Variants in ZHX1 observed in about 807,000 individuals in gnomAD.
The protein encoded by ZHX1 is zinc fingers and homeoboxes 1.
Under a neutral mutation model 61.8 loss-of-function variants are expected in ZHX1, and 20 were observed. The ratio of observed to expected loss-of-function variants is 0.32; its 90% CI spans 0.23 to 0.47. The LOEUF is 0.47. Ranked by LOEUF, ZHX1 falls within the 20% of genes least tolerant of loss-of-function variation. The pLI is 1.00. For missense variants in ZHX1, 800 were observed against 1,034.8 expected (o/e 0.77, Z 3.11); for synonymous variants, 318 against 352.6 (o/e 0.90, Z 1.10).
Position 123,253,353 on chromosome 8 carries a change from T to C in ZHX1, c.2594A>G (p.Lys865Arg). 1 of 1,611,312 alleles carries C rather than the reference T, an allele frequency of 6.2e-7. No homozygotes were observed. Among genetic ancestry groups the C allele is most frequent in the Non-Finnish European group, 8.5e-7 (1 of 1,179,420 alleles). ...SDTWEPPRHV[K>R]RKLSKSDD ...GTCATCTGATTTAGACAGCTTCCGT[T>C]TCACATGTCGTGGAGGTTCCCAAGT... The change falls in exon 3 of 4, where the codon AAA becomes AGA. Residue 865 changes from lysine to arginine, a missense_variant. Lys to Arg is a conservative substitution (Grantham distance 26, BLOSUM62 2). Transcript: ENST00000395571.
chr8:123,274,910 T>G (rs1386296298), upstream of ZHX1, among the ~76,000 whole-genome samples: 1 of 151,964 alleles, frequency 6.6e-6, no homozygotes, highest in African/African-American at 2.4e-5. Flanking sequence ...GCCCCGCCCC[T>G]CGGGGGGCTG....
chr8:123,256,029 T>C lies in ZHX1; in HGVS notation c.-83A>G, dbSNP rs1826061717. 1.5e-6 allele frequency: 2 copies of C among 1,346,870 alleles called. No individual in the cohort carries two copies. The highest frequency in any genetic ancestry group is 2.0e-6 in the Non-Finnish European group (2 of 997,832). 83.4% of individuals were successfully genotyped at this position (1,346,870 alleles called of 1,614,324 possible). ...TTCAGTGTTCTTCATTTGAAAACAA[T>C]GGCTTTTGGTTCTTCAAGTCCATTT... On this transcript the variant is annotated 5_prime_UTR_variant, in exon 3 of 4. Coordinates refer to ENST00000395571, the MANE Select transcript of ZHX1 (RefSeq NM_007222.5).
chr8:123,257,929 C>T (rs1047810532), intron 2 of ZHX1, among the ~76,000 whole-genome samples: 3 of 152,130 alleles, frequency 2.0e-5, no homozygotes, highest in Non-Finnish European at 2.9e-5. Context: ...TAGTACTTAC[C>T]ATACTGTACA....
chr8:123,251,745 G>A (rs534314537), intron 3 of ZHX1, among the ~76,000 whole-genome samples: 2 of 152,176 alleles, frequency 1.3e-5, no homozygotes, highest in East Asian at 3.9e-4. Flanking sequence ...GGAAATGGAG[G>A]GCTGCACTTC....
Position 123,254,043 on chromosome 8 carries a change from C to T in ZHX1, c.1904G>A (p.Ser635Asn), listed in dbSNP as rs142156546. 4 of 1,614,026 alleles carry T rather than the reference C, an allele frequency of 2.5e-6. No individual in the cohort carries two copies. Among genetic ancestry groups the T allele is most frequent in the Non-Finnish European group, 3.4e-6 (4 of 1,180,004 alleles). Residue 635 changes from serine (S) to asparagine (N), a missense_variant, in exon 3 of 4, where the codon AGT becomes AAT. Ser to Asn is a conservative substitution (Grantham distance 46, BLOSUM62 1). Transcript: ENST00000395571. This position sits in a 1 kb window ranked among gnomAD's most constrained non-coding sequence, Gnocchi z 4.1. ...TTCTTCTTTGGAACTACCTGCATTA[C>T]TTTCATCTATTTCCATTTTCTCTTC... ...LKEEKMEIDE[S>N]NAGSSKEEAG...
rs113452532 is a variant in ZHX1 at position 123,268,949 on chromosome 8, C to T, written c.-339-1563G>A. 1.6e-3 allele frequency among the ~76,000 whole-genome samples: 246 copies of T among 152,292 alleles called. 1 individual carries two copies. The highest frequency in any genetic ancestry group is 5.8e-3 in the African/African-American group (242 of 41,562). On this transcript the variant is annotated intron_variant, in intron 1 of 3. Coordinates refer to ENST00000395571, the MANE Select transcript of ZHX1 (RefSeq NM_007222.5). ...CAAGAAATAATGTAAATACACCAGT[C>T]CTTTAGTAAAATACCTCTAGGTTAG...
chr8:123,264,926 C>T (rs867783013), intron 2 of ZHX1, among the ~76,000 whole-genome samples: 5 of 149,952 alleles, frequency 3.3e-5, no homozygotes, highest in African/African-American at 9.8e-5. Flanking sequence ...AGGTGGCTCA[C>T]GCATGTAATC....
At position 123,253,471 on chromosome 8, in the gene ZHX1, C is replaced by T. The variant is rs1825974553; in HGVS notation, c.2476G>A (p.Glu826Lys). 6.2e-7 allele frequency: 1 copy of T among 1,614,142 alleles called. No individual in the cohort carries two copies. Among genetic ancestry groups the T allele is most frequent in the Non-Finnish European group, 8.5e-7 (1 of 1,180,008 alleles). Residue 826 changes from glutamate (E) to lysine (K), a missense_variant, in exon 3 of 4, where the codon GAA (glutamate) becomes AAA (lysine). Transcript: ENST00000395571. ...EWFAERQRRS[E>K]LGIELFEENE... ...TCCTCAAATAATTCTATACCTAATT[C>T]TGATCTTCTCTGTCTTTCTGCAAAC...
intron 2 of ZHX1, 97 bp downstream of exon 2, chr8:123,267,176 A>C: frequency 8.6e-7 from 1 of 1,156,938 alleles, no homozygotes; most frequent in Non-Finnish European, 1.2e-6. Flanking sequence ...TTTTAAGGAA[A>C]GCTTTTAAAA....
chr8:123,262,112 ACT>A (rs1437751363), intron 2 of ZHX1, among the ~76,000 whole-genome samples: 2 of 152,130 alleles, frequency 1.3e-5, no homozygotes, highest in African/African-American at 2.4e-5. Flanking sequence ...TAGCTAGGTG[ACT>A]CTGCAATTAA....
rs767123344 is a variant in ZHX1, at chr8:123,254,746, C to T, written c.1201G>A (p.Val401Met). 1.2e-5 allele frequency: 20 copies of T among 1,614,052 alleles called. No homozygotes were observed. Among genetic ancestry groups the T allele is most frequent in the African/African-American group, 1.3e-5 (1 of 74,912 alleles). The change falls in exon 3 of 4, where the codon GTG becomes ATG. Residue 401 changes from valine to methionine, a missense_variant. By Grantham distance (21) the Val-to-Met change is conservative. Coordinates refer to ENST00000395571, the MANE Select transcript of ZHX1 (RefSeq NM_007222.5). The surrounding 1 kb of genome is among the most constrained non-coding windows in gnomAD (Gnocchi z 4.1). ...ACTGGCAAGGTGTTTGTTCCAGCCA[C>T]TTGAGTAAGGACCAGACCAGGCTGA... is the stretch of plus-strand genomic sequence containing the variant. ...VGQPGLVLTQ[V>M]AGTNTLPVTA...
At chr8:123,267,165 T>A in intron 2 of ZHX1, 108 bp downstream of exon 2, 1 of 1,048,868 alleles carries the variant, frequency 9.5e-7, no homozygotes, top group South Asian at 2.0e-5. Context: ...TGTCTGCTGC[T>A]TTTTAAGGAA....
chr8:123,259,912 C>T (rs1047641041), intron 2 of ZHX1, among the ~76,000 whole-genome samples: 1 of 152,196 alleles, frequency 6.6e-6, no homozygotes, highest in Non-Finnish European at 1.5e-5. Flanking sequence ...TTAATCCCAG[C>T]ACTTTGGGAG....
chr8:123,257,077 C>T (rs1042485416), intron 2 of ZHX1: 1 of 152,102 alleles, frequency 6.6e-6, no homozygotes, highest in African/African-American at 2.4e-5. Flanking sequence ...TGCCACCACG[C>T]CTGGCTAATT....
At position 123,254,105 on chromosome 8, in the gene ZHX1, A is replaced by T. The variant is rs760688051; in HGVS notation, c.1842T>A (p.Ala614=). The stretch of plus-strand genomic sequence containing the variant: ...TTGATTTCTTCTTCTCTGTAAACCA[A>T]GCATCGATTTCTCTTCTGGTAAGTT... ...QTKLTRREID[A]WFTEKKKSKA... is the part of the protein sequence containing the mutation. Residue 614 remains alanine, a synonymous_variant, in exon 3 of 4, where the codon GCT becomes GCA. Coordinates refer to ENST00000395571, the MANE Select transcript of ZHX1 (RefSeq NM_007222.5). The surrounding 1 kb of genome is among the most constrained non-coding windows in gnomAD (Gnocchi z 4.1). 8.7e-6 allele frequency: 14 copies of T among 1,614,118 alleles called. No individual in the cohort carries two copies. Among genetic ancestry groups the T allele is most frequent in the Non-Finnish European group, 1.2e-5 (14 of 1,180,020 alleles).
At chr8:123,267,962 T>C (rs866194859) in intron 1 of ZHX1, among the ~76,000 whole-genome samples, 3 of 152,030 alleles carry the variant, frequency 2.0e-5, no homozygotes, top group African/African-American at 7.3e-5. Flanking sequence ...GATTGCGCCA[T>C]TGCACCCCAG....
chr8:123,264,689 T>C (rs974332824), intron 2 of ZHX1, among the ~76,000 whole-genome samples: 15 of 151,704 alleles, frequency 9.9e-5, no homozygotes, highest in Non-Finnish European at 2.2e-4. Context: ...TCCCAAGTAG[T>C]TGGGATTACA....
At chr8:123,270,722 G>A (rs1288607372) in intron 1 of ZHX1, among the ~76,000 whole-genome samples, 2 of 151,078 alleles carry the variant, frequency 1.3e-5, no homozygotes, top group South Asian at 4.2e-4. Context: ...GGAGTTTGAG[G>A]GTGCAGTGAG....
intron 2 of ZHX1, among the ~76,000 whole-genome samples, chr8:123,265,194 A>C (rs1362725801): frequency 6.6e-6 from 1 of 151,788 alleles, no homozygotes; most frequent in Non-Finnish European, 1.5e-5. Context: ...TGTCTCAAAA[A>C]AAAAAAAAAA....
Sources: gnomAD v4.1 joint callset for allele counts (sites outside exome capture counted in the v4.1 genomes callset) on GRCh38, gnomAD v4.1.1 for gene constraint, Gnocchi (gnomAD v3.1) non-coding constraint, MANE v1.5 for transcripts, NCBI Gene and HGNC (gene_info 2026-07-23, HGNC 2026-07-21) for gene names.